The following RBFOX1 variants were observed in gnomAD, a reference collection of about 807,000 sequenced individuals.
RBFOX1 encodes RNA binding fox-1 homolog 1.
A neutral mutation model predicts 57.7 loss-of-function variants in RBFOX1; 8 were observed. The observed-to-expected ratio is 0.14, with a 90% CI of 0.08 to 0.25. The LOEUF (loss-of-function observed/expected upper bound fraction) is 0.25. Among genes scored for constraint, RBFOX1 ranks in the 10% least tolerant of loss-of-function variants. RBFOX1 has a pLI of 1.00. For synonymous variants in RBFOX1, 326 were observed against 222.4 expected (o/e 1.47, Z -4.15); for missense variants, 611 against 548.5 (o/e 1.11, Z -1.14).
At chr16:5,830,520 G>A (rs1189835644) in intron 3 of RBFOX1, among the ~76,000 whole-genome samples, 1 of 152,098 alleles carries the variant, frequency 6.6e-6, no homozygotes, top group East Asian at 1.9e-4. Context: ...TATGACCCTC[G>A]GGAGAAAGGG....
intron 3 of RBFOX1, among the ~76,000 whole-genome samples, chr16:6,897,187 A>C (rs2067149248): frequency 6.6e-6 from 1 of 152,194 alleles, no homozygotes; most frequent in African/African-American, 2.4e-5. Flanking sequence ...ATTTAAACAC[A>C]GGTTGTTTTC....
chr16:6,666,811 C>T (rs770856053), intron 3 of RBFOX1, among the ~76,000 whole-genome samples: 19 of 152,106 alleles, frequency 1.2e-4, no homozygotes, highest in Admixed American at 6.5e-5. Context: ...TAAATGTCAT[C>T]CTGTGATATA....
chr16:7,201,918 G>A (rs2088628579), intron 4 of RBFOX1, among the ~76,000 whole-genome samples: 1 of 152,110 alleles, frequency 6.6e-6, no homozygotes, highest in African/African-American at 2.4e-5. Flanking sequence ...GATGTACGAG[G>A]GATTTATTTC....
intron 3 of RBFOX1, among the ~76,000 whole-genome samples, chr16:6,809,355 G>T (rs1056375112): frequency 6.6e-6 from 1 of 152,104 alleles, no homozygotes; most frequent in Admixed American, 6.5e-5. Flanking sequence ...TTGCCTCTAA[G>T]TGCCAGCCAC....
intron 4 of RBFOX1, among the ~76,000 whole-genome samples, chr16:7,109,658 G>C (rs547534050): frequency 7.2e-5 from 11 of 152,146 alleles, no homozygotes; most frequent in Non-Finnish European, 1.6e-4. Flanking sequence ...TATAGGCGCA[G>C]ATAGTCCTCC....
At chr16:5,744,856 C>G (rs9930765) in intron 3 of RBFOX1, among the ~76,000 whole-genome samples, 94 of 152,272 alleles carry the variant, frequency 6.2e-4, no homozygotes, top group African/African-American at 2.2e-3. Context: ...CTCCCGGGTT[C>G]AAACAATTCT....
intron 1 of RBFOX1, among the ~76,000 whole-genome samples, chr16:5,436,399 T>G (rs2067919002): frequency 6.6e-6 from 1 of 152,226 alleles, no homozygotes; most frequent in African/African-American, 2.4e-5. Context: ...CTGAGTGATT[T>G]ACACTCATAC....
intron 2 of RBFOX1, among the ~76,000 whole-genome samples, chr16:5,574,343 A>T (rs8064172): frequency 0.89 from 135,753 of 152,216 alleles, 60,626 homozygotes; most frequent in East Asian, 1. Context: ...TGTATAGGTT[A>T]CTGATTCTCA....
At chr16:5,415,181 T>C (rs2067129612) in intron 1 of RBFOX1, among the ~76,000 whole-genome samples, 1 of 152,214 alleles carries the variant, frequency 6.6e-6, no homozygotes, top group South Asian at 2.1e-4. Context: ...AGAGGTTTAA[T>C]TAACTTGCAG....
intron 3 of RBFOX1, among the ~76,000 whole-genome samples, chr16:6,842,864 C>G (rs567259210): frequency 9.0e-4 from 137 of 152,058 alleles, no homozygotes; most frequent in South Asian, 3.3e-3. Context: ...ATGTTCCCCT[C>G]CCTGTGTCCA....
chr16:5,790,545 T>C (rs2054655770), intron 3 of RBFOX1, among the ~76,000 whole-genome samples: 2 of 150,070 alleles, frequency 1.3e-5, no homozygotes, highest in South Asian at 4.2e-4. Flanking sequence ...TTCAGAAATG[T>C]AGCACATGTG....
At chr16:6,678,375 C>G (rs939114034) in intron 3 of RBFOX1, among the ~76,000 whole-genome samples, 2 of 152,084 alleles carry the variant, frequency 1.3e-5, no homozygotes, top group African/African-American at 4.8e-5. Context: ...CTACCCAACT[C>G]AGCCTCCTAA....
chr16:7,121,710 A>G (rs930146169), intron 4 of RBFOX1, among the ~76,000 whole-genome samples: 2 of 151,994 alleles, frequency 1.3e-5, no homozygotes, highest in African/African-American at 2.4e-5. Flanking sequence ...TCTAAAAATT[A>G]TAAGGAAAAA....
chr16:7,091,457 G>A (rs1446795933), intron 4 of RBFOX1, among the ~76,000 whole-genome samples: 1 of 151,516 alleles, frequency 6.6e-6, no homozygotes, highest in Admixed American at 6.6e-5. Flanking sequence ...TCTGAGGGAT[G>A]TTGAAAAGAC....
chr16:7,328,853 C>G (rs2096647518), intron 4 of RBFOX1: 1 of 152,086 alleles, frequency 6.6e-6, no homozygotes, highest in Non-Finnish European at 1.5e-5. Flanking sequence ...AAAATACATA[C>G]CCTAGATTAA....
chr16:6,956,548 G>A (rs1568071512), intron 3 of RBFOX1, among the ~76,000 whole-genome samples: 2 of 152,314 alleles, frequency 1.3e-5, no homozygotes, highest in Non-Finnish European at 1.5e-5. Context: ...CTAAGGGCCA[G>A]TGGGGGCAGT....
intron 3 of RBFOX1, among the ~76,000 whole-genome samples, chr16:6,998,999 G>A (rs150254704): frequency 3.2e-4 from 48 of 151,470 alleles, no homozygotes; most frequent in African/African-American, 1.1e-3. Flanking sequence ...ATCCTGAGTA[G>A]CTGGAATTAC....
chr16:6,120,971 A>G (rs867843305), intron 1 of RBFOX1, among the ~76,000 whole-genome samples: 1 of 152,172 alleles, frequency 6.6e-6, no homozygotes, highest in African/African-American at 2.4e-5. Context: ...ATTTATTTCT[A>G]TTATTTCCTA....
chr16:7,531,742 C>G (rs186562602), intron 5 of RBFOX1, among the ~76,000 whole-genome samples: 1 of 152,188 alleles, frequency 6.6e-6, no homozygotes, highest in East Asian at 1.9e-4. Context: ...GTGATTACCC[C>G]GTTAGTAGTT....
Sources: allele counts gnomAD v4.1 joint callset (sites outside exome capture counted in the v4.1 genomes callset), GRCh38; gene constraint gnomAD v4.1.1; transcripts MANE v1.5; gene names NCBI Gene and HGNC (gene_info 2026-07-23, HGNC 2026-07-21).